ASTN1: variants seen among roughly 807,000 people sequenced by gnomAD.
The protein encoded by ASTN1 is astrotactin 1.
Under a neutral mutation model 140.7 loss-of-function variants are expected in ASTN1, and 41 were observed. The ratio of observed to expected loss-of-function variants is 0.29; its 90% CI spans 0.23 to 0.38. The LOEUF (loss-of-function observed/expected upper bound fraction) is 0.38, where lower values mean the gene tolerates loss of function less well. Ranked by LOEUF, ASTN1 falls within the 10% of genes least tolerant of loss-of-function variation. ASTN1 has a pLI of 1.00. For synonymous variants in ASTN1, 640 were observed against 652.2 expected, an observed-to-expected ratio of 0.98 and a Z score of 0.29; for missense variants, 1,479 against 1,678.8, an observed-to-expected ratio of 0.88 and a Z score of 2.08.
intron 16 of ASTN1, among the ~76,000 whole-genome samples, chr1:176,930,131 G>C (rs1316726520): frequency 6.6e-6 from 1 of 152,292 alleles, no homozygotes; most frequent in African/African-American, 2.4e-5. Context: ...AAGAAATGGA[G>C]AAGAGGAGAC....
At chr1:177,053,336 C>A (rs1488677087) in intron 2 of ASTN1, among the ~76,000 whole-genome samples, 1 of 152,158 alleles carries the variant, frequency 6.6e-6, no homozygotes, top group Non-Finnish European at 1.5e-5. Flanking sequence ...TTCTTGCTAT[C>A]TGCAGAGATG....
At chr1:176,926,010 T>C (rs927732977) in intron 16 of ASTN1, among the ~76,000 whole-genome samples, 3 of 152,050 alleles carry the variant, frequency 2.0e-5, no homozygotes, top group African/African-American at 7.2e-5. Flanking sequence ...GGTTTCACCG[T>C]GTTAGCCAGG....
At chr1:177,066,344 G>A (rs981705810) in intron 1 of ASTN1, among the ~76,000 whole-genome samples, 3 of 152,158 alleles carry the variant, frequency 2.0e-5, no homozygotes, top group African/African-American at 7.2e-5. Flanking sequence ...TACAGAATTG[G>A]AATAATGAGA....
At chr1:177,078,492 G>C (rs1432507941) in intron 1 of ASTN1, among the ~76,000 whole-genome samples, 1 of 152,080 alleles carries the variant, frequency 6.6e-6, no homozygotes, top group Non-Finnish European at 1.5e-5. Flanking sequence ...ATCCCACAGA[G>C]GGCTCTTCTG....
rs574218584 is a variant in ASTN1, at chr1:177,006,071, A to G, written c.1523+8720T>C. Among the ~76,000 whole-genome samples the G allele has an allele frequency of 8.5e-5, 13 of 152,298 alleles. No individual in the cohort carries two copies. In the East Asian group the frequency reaches 2.5e-3, roughly 29 times the overall value. On this transcript the variant is annotated intron_variant, in intron 8 of 22. Coordinates refer to ENST00000361833, the MANE Select transcript of ASTN1 (RefSeq NM_004319.3). The stretch of plus-strand genomic sequence containing the variant: ...CTTACAGAGATGTTTATATTAAAGG[A>G]GTTTCACCTGAATGCTAGGCCCTGG...
At chr1:177,154,187 C>T (rs1199958523) in intron 1 of ASTN1, among the ~76,000 whole-genome samples, 3 of 152,120 alleles carry the variant, frequency 2.0e-5, no homozygotes, top group Non-Finnish European at 4.4e-5. Context: ...CCTGGATGTC[C>T]ATCACTGAAA....
chr1:177,128,159 T>C (rs1425939389), intron 1 of ASTN1, among the ~76,000 whole-genome samples: 1 of 152,278 alleles, frequency 6.6e-6, no homozygotes, highest in South Asian at 2.1e-4. Flanking sequence ...CAAGATAATT[T>C]TGAAAAGGAG....
chr1:176,972,591 T>C (rs1273123396), intron 8 of ASTN1, among the ~76,000 whole-genome samples: 2 of 152,034 alleles, frequency 1.3e-5, no homozygotes, highest in Non-Finnish European at 2.9e-5. Context: ...CTCTAATTCC[T>C]AGACTCAAGC....
At chr1:177,085,024 G>C (rs182761447) in intron 1 of ASTN1, among the ~76,000 whole-genome samples, 2 of 152,254 alleles carry the variant, frequency 1.3e-5, no homozygotes, top group East Asian at 3.9e-4. Context: ...ACAAGTGAAT[G>C]TTAAGGAATG....
chr1:177,114,505 G>A (rs1453197878), intron 1 of ASTN1, among the ~76,000 whole-genome samples: 2 of 151,908 alleles, frequency 1.3e-5, no homozygotes, highest in Non-Finnish European at 2.9e-5. Context: ...AAGTAATGTA[G>A]AATTATACCA....
rs751111088 is a variant in ASTN1 at position 177,032,799 on chromosome 1, C to A, written c.522G>T (p.Leu174=). The part of the protein sequence containing the change: ...LLSILCLVMI[L]YTRRRWCKRR... ...GTTTGCACCAGCGCCGGCGAGTATA[C>A]AGGATCATCACCAGGCACAAGATGG... Residue 174 remains leucine, a synonymous_variant, in exon 3 of 23, where the codon CTG becomes CTT. Coordinates refer to ENST00000361833, the MANE Select transcript of ASTN1 (RefSeq NM_004319.3). 8 of 1,612,166 alleles carry A rather than the reference C, an allele frequency of 5.0e-6. No individual in the cohort carries two copies. The South Asian group carries it at 6.6e-5, about 13-fold the overall frequency.
intron 18 of ASTN1, among the ~76,000 whole-genome samples, chr1:176,886,565 C>G (rs558425686): frequency 6.6e-6 from 1 of 152,348 alleles, no homozygotes; most frequent in South Asian, 2.1e-4. Context: ...GCTAGTGTAT[C>G]TACAGCCAAA....
At chr1:177,114,066 G>T (rs1415288183) in intron 1 of ASTN1, among the ~76,000 whole-genome samples, 2 of 152,172 alleles carry the variant, frequency 1.3e-5, no homozygotes, top group Non-Finnish European at 2.9e-5. Flanking sequence ...AGGCAAACAT[G>T]TTGCCTGGCA....
chr1:177,102,177 C>T (rs764731551), intron 1 of ASTN1, among the ~76,000 whole-genome samples: 4 of 152,142 alleles, frequency 2.6e-5, no homozygotes, highest in Non-Finnish European at 4.4e-5. Flanking sequence ...ATTGAGAGTA[C>T]ACAGAGGTCT....
chr1:176,945,404 T>G (rs1396125004), intron 13 of ASTN1, among the ~76,000 whole-genome samples: 3 of 152,258 alleles, frequency 2.0e-5, no homozygotes, highest in Non-Finnish European at 4.4e-5. Flanking sequence ...TTATATTTTT[T>G]GCAAATTTAA....
Position 176,863,494 on chromosome 1 carries a change from G to C in ASTN1, c.*790C>G. 1.0e-6 allele frequency: 1 copy of C among 985,592 alleles called. No homozygotes were observed. Among genetic ancestry groups the C allele is most frequent in the South Asian group, 4.7e-5 (1 of 21,286 alleles). The allele number at this position is 985,592 out of a possible 1,614,324, so 61.1% of individuals were successfully genotyped here. A position where few individuals can be genotyped will look rare whatever the true frequency, so the allele number is the denominator to read the frequency against. ...CCAAGTCTCCTCTTGAATGTGGACT[G>C]CTAACTAGTCTCCCAGGTAGACTTT... is the stretch of plus-strand genomic sequence containing the variant. On this transcript the variant is annotated 3_prime_UTR_variant, in exon 23 of 23. Transcript: ENST00000361833.
In ASTN1 at chr1:176,861,322, T is replaced by C. The variant is rs1240567467; in HGVS notation, c.*2962A>G. 2.0e-6 allele frequency: 2 copies of C among 985,698 alleles called. No homozygotes were observed. The highest frequency in any genetic ancestry group is 3.5e-5 in the African/African-American group (2 of 57,202). 61.1% of individuals were successfully genotyped at this position (985,698 alleles called of 1,614,324 possible). On this transcript the variant is annotated 3_prime_UTR_variant, in exon 23 of 23. Coordinates refer to ENST00000361833, the MANE Select transcript of ASTN1 (RefSeq NM_004319.3). ...AAACGATTGCACACTCAATTAAAAGTCTAATGCTATTACAGTGGTTCATGT... is the reference window on the plus strand; with the variant it reads ...AAACGATTGCACACTCAATTAAAAGCCTAATGCTATTACAGTGGTTCATGT...
intron 2 of ASTN1, 24 bp from the exon 3 acceptor site, chr1:177,032,873 G>T: frequency 6.4e-7 from 1 of 1,557,028 alleles, no homozygotes. Context: ...ACCACAGATG[G>T]ATGTGGGAAG....
chr1:176,861,590 T>C lies in ASTN1; in HGVS notation c.*2694A>G. On this transcript the variant is annotated 3_prime_UTR_variant, in exon 23 of 23. Coordinates refer to ENST00000361833, the MANE Select transcript of ASTN1 (RefSeq NM_004319.3). ...AATCCTCCAGTCAATTGTACAACCA[T>C]CCTAAGATTTTCCCCTGCCCTGTTC... 1 of 985,580 alleles carries C rather than the reference T, an allele frequency of 1.0e-6. No homozygotes were observed. Among genetic ancestry groups the C allele is most frequent in the Non-Finnish European group, 1.2e-6 (1 of 829,940 alleles). 61.1% of individuals were successfully genotyped at this position (985,580 alleles called of 1,614,324 possible).
Sources: allele counts gnomAD v4.1 joint callset (sites outside exome capture counted in the v4.1 genomes callset), GRCh38; gene constraint gnomAD v4.1.1; transcripts MANE v1.5; gene names NCBI Gene and HGNC (gene_info 2026-07-23, HGNC 2026-07-21).